The following MACF1 variants were observed in gnomAD, a reference collection of about 807,000 sequenced individuals.
The protein encoded by MACF1 is microtubule-actin cross-linking factor 1.
In MACF1, 193 loss-of-function variants were observed where a neutral mutation model predicts 854.8. The observed-to-expected ratio is 0.23, with a 90% CI of 0.20 to 0.25. The LOEUF is 0.25. Ranked by LOEUF, MACF1 falls within the 10% of genes least tolerant of loss-of-function variation. MACF1 has a pLI of 1.00. For synonymous variants in MACF1, 3,185 were observed against 3,226.7 expected, an observed-to-expected ratio of 0.99 and a Z score of 0.44; for missense variants, 7,722 against 8,929.1, an observed-to-expected ratio of 0.86 and a Z score of 5.45.
At chr1:39,477,672 G>A (rs1387139294) in intron 97 of MACF1, among the ~76,000 whole-genome samples, 1 of 152,072 alleles carries the variant, frequency 6.6e-6, no homozygotes, top group Non-Finnish European at 1.5e-5. Flanking sequence ...GAGCTAGGCT[G>A]GGAATGTCTT....
At chr1:39,427,764 GA>G (rs1282006343) in intron 62 of MACF1, 150 bp downstream of exon 62, 8 of 977,858 alleles carry the variant, frequency 8.2e-6, no homozygotes, top group Non-Finnish European at 1.2e-5. Context: ...TCACATTCTT[GA>G]AATACAAATA....
chr1:39,203,459 C>T (rs1644415824), upstream of MACF1, among the ~76,000 whole-genome samples: 1 of 152,208 alleles, frequency 6.6e-6, no homozygotes, highest in African/African-American at 2.4e-5. Flanking sequence ...CCTGCCTCAG[C>T]CTCCTGAAGT....
chr1:39,269,634 C>T (rs1459607164), intron 6 of MACF1: 11 of 1,289,620 alleles, frequency 8.5e-6, no homozygotes, highest in Non-Finnish European at 1.1e-5. Context: ...AGATACAGAA[C>T]CTGAAAAGAG....
At chr1:39,289,630 C>T (rs1447566382) in intron 15 of MACF1, among the ~76,000 whole-genome samples, 1 of 144,444 alleles carries the variant, frequency 6.9e-6, no homozygotes, top group African/African-American at 2.5e-5. Context: ...TTATATATTC[C>T]AGTTATTAAT....
chr1:39,473,114 G>GT (rs1442464831), intron 97 of MACF1, among the ~76,000 whole-genome samples: 5 of 152,172 alleles, frequency 3.3e-5, no homozygotes, highest in Non-Finnish European at 5.9e-5. Flanking sequence ...ATGTTTATTT[G>GT]TTTCGTTATG....
intron 21 of MACF1, among the ~76,000 whole-genome samples, chr1:39,298,345 A>G (rs77182706): frequency 0.012 from 1,779 of 152,314 alleles, 31 homozygotes; most frequent in African/African-American, 0.04. Context: ...AATCAATTTT[A>G]TATTCTTTTT....
At chr1:39,481,801 G>T (rs1626267) in intron 99 of MACF1, among the ~76,000 whole-genome samples, 1 of 152,166 alleles carries the variant, frequency 6.6e-6, no homozygotes, top group Non-Finnish European at 1.5e-5. Flanking sequence ...CCTCAAGACA[G>T]TGTTGCCTTC....
chr1:39,109,066 A>C (rs1642327027), intron 2 of MACF1, among the ~76,000 whole-genome samples: 1 of 152,206 alleles, frequency 6.6e-6, no homozygotes, highest in South Asian at 2.1e-4. Context: ...TATCGTAGAA[A>C]GACTATGCTT....
In MACF1 at chr1:39,234,549, A is replaced by AC. The variant is rs1211443294; in HGVS notation, c.171+3313dup. 8.2e-5 allele frequency among the ~76,000 whole-genome samples: 5 copies of AC among 60,706 alleles called. 1 individual carries two copies. The highest frequency in any genetic ancestry group is 4.2e-4 in the Admixed American group (2 of 4,774). The allele number at this position is 60,706 out of a possible 152,430, so 39.8% of individuals were successfully genotyped here. A position where few individuals can be genotyped will look rare whatever the true frequency, so the allele number is the denominator to read the frequency against. Reference sequence around the variant, plus strand: ...GGGCGGCTGGCCTGGCGGGGGGCTGACCCCCCCACCTCCCTCCCGGACGGG... The same window carrying AC: ...GGGCGGCTGGCCTGGCGGGGGGCTGACCCCCCCCACCTCCCTCCCGGACGGG... On this transcript the variant is annotated intron_variant, in intron 2 of 100. Transcript: ENST00000564288.
At chr1:39,143,729 C>T (rs1049541308) in intron 2 of MACF1, among the ~76,000 whole-genome samples, 1 of 152,100 alleles carries the variant, frequency 6.6e-6, no homozygotes, top group Non-Finnish European at 1.5e-5. Context: ...GTTTCAAGAC[C>T]CTGAGGGAAT....
chr1:39,446,492 ATTT>A (rs541475374), intron 80 of MACF1, among the ~76,000 whole-genome samples: 1 of 144,568 alleles, frequency 6.9e-6, no homozygotes. Context: ...ATTTATTGTA[ATTT>A]TTTTTTTTTT....
intron 58 of MACF1, among the ~76,000 whole-genome samples, chr1:39,418,768 T>C (rs971875161): frequency 2.0e-5 from 3 of 151,698 alleles, no homozygotes; most frequent in Non-Finnish European, 4.4e-5. Flanking sequence ...GAGACTGAGG[T>C]GAGAGAATCA....
intron 2 of MACF1, among the ~76,000 whole-genome samples, chr1:39,123,717 G>GTTTTTTTTTT (rs1170430073): frequency 5.0e-5 from 5 of 100,468 alleles, no homozygotes; most frequent in African/African-American, 8.6e-5. Flanking sequence ...TTCTTGTTTT[G>GTTTTTTTTTT]TTTTTTTTTT....
chr1:39,430,935 A>G (rs1643867100), intron 66 of MACF1, 27 bp downstream of exon 66: 2 of 1,583,100 alleles, frequency 1.3e-6, no homozygotes, highest in Non-Finnish European at 1.7e-6. Context: ...CTCTGCATTA[A>G]TATTTTAGAC....
intron 98 of MACF1, 91 bp downstream of exon 98, chr1:39,480,100 G>T: frequency 8.4e-7 from 1 of 1,192,548 alleles, no homozygotes; most frequent in East Asian, 2.4e-5. Context: ...ACTCCAGTGA[G>T]GAGAAGAAAT....
intron 1 of MACF1, among the ~76,000 whole-genome samples, chr1:39,213,988 T>C (rs1571181544): frequency 6.6e-6 from 1 of 152,220 alleles, no homozygotes; most frequent in East Asian, 1.9e-4. Context: ...TCATAGGGCT[T>C]GTTTAAACTG....
At chr1:39,299,055 G>A (rs1040923366) in intron 21 of MACF1, among the ~76,000 whole-genome samples, 3 of 152,026 alleles carry the variant, frequency 2.0e-5, no homozygotes, top group Non-Finnish European at 2.9e-5. Context: ...CTTTTACCAC[G>A]CTGAGCACTT....
At chr1:39,221,647 TAAAGGCTATTTA>T (rs1644653291) in intron 1 of MACF1, among the ~76,000 whole-genome samples, 1 of 152,220 alleles carries the variant, frequency 6.6e-6, no homozygotes, top group Non-Finnish European at 1.5e-5. Context: ...CCACCACATC[TAAAGGCTATTTA>T]AAAGGCTATT....
Position 39,385,805 on chromosome 1 carries a change from TAAG to T in MACF1, c.14221_14223del (p.Lys4741del). The T allele has an allele frequency of 6.2e-7, 1 of 1,614,118 alleles. No homozygotes were observed. On this transcript the variant is annotated inframe_deletion, in exon 57 of 101. Transcript: ENST00000564288. ...ACTTGGAGCAGTTAGACCACGAGGT[TAAG>T]GAGGCTCAGACACTGTGCGATGAAC...
Sources: gnomAD v4.1 joint callset for allele counts (sites outside exome capture counted in the v4.1 genomes callset) on GRCh38, gnomAD v4.1.1 for gene constraint, MANE v1.5 for transcripts, NCBI Gene and HGNC (gene_info 2026-07-23, HGNC 2026-07-21) for gene names.